The following ZWILCH variants were observed in gnomAD, a reference collection of about 807,000 sequenced individuals.
ZWILCH encodes the protein zwilch kinetochore protein, also known as protein zwilch homolog.
ZWILCH carries 74 observed loss-of-function variants against 79.9 expected under a neutral mutation model. The observed-to-expected ratio is 0.93, with a 90% CI of 0.77 to 1.12. ZWILCH has a LOEUF of 1.12. Among genes scored for constraint, ZWILCH ranks in the 50% most tolerant of loss-of-function variants. ZWILCH has a pLI of 0.00. For synonymous variants in ZWILCH, 241 were observed against 228.2 expected (o/e 1.06, Z -0.51); for missense variants, 694 against 687.5 (o/e 1.01, Z -0.11).
At chr15:66,527,253 T>C (rs933139414) in intron 8 of ZWILCH, 37 bp from the exon 9 acceptor site, 5 of 1,451,114 alleles carry the variant, frequency 3.4e-6, no homozygotes, top group Non-Finnish European at 4.8e-6. Context: ...CAGTGTTTTC[T>C]GCTAACAAGT....
intron 6 of ZWILCH, 145 bp from the exon 7 acceptor site, chr15:66,520,905 C>G: frequency 1.1e-6 from 1 of 944,372 alleles, no homozygotes; most frequent in Non-Finnish European, 1.6e-6. Context: ...GTATATATCC[C>G]AAAAATATAT....
rs1240424797 is a variant in ZWILCH at position 66,549,465 on chromosome 15, G to T, written c.*1141G>T. 5 of 152,162 alleles carry T rather than the reference G, an allele frequency of 3.3e-5. No individual in the cohort carries two copies. The highest frequency in any genetic ancestry group is 1.2e-4 in the African/African-American group (5 of 41,446). The allele number at this position is 152,162 out of a possible 1,614,324, so 9.4% of individuals were successfully genotyped here. On this transcript the variant is annotated 3_prime_UTR_variant, in exon 19 of 19. Transcript: ENST00000307897. ...CTGATTGCCCTTATGGAGAAATAAA[G>T]ATAAAATTCAAAGAAACAAATAATA...
At chr15:66,531,265 T>C (rs1003917594) in intron 12 of ZWILCH, among the ~76,000 whole-genome samples, 1 of 152,100 alleles carries the variant, frequency 6.6e-6, no homozygotes, top group Non-Finnish European at 1.5e-5. Flanking sequence ...AGATTTTTGG[T>C]GTAGAAGAAG....
chr15:66,519,100 T>A (rs770523783), intron 5 of ZWILCH, 22 bp downstream of exon 5: 3 of 1,548,096 alleles, frequency 1.9e-6, no homozygotes, highest in South Asian at 1.1e-5. Context: ...CTCTAGAGAG[T>A]GTGTGTGTGT....
At chr15:66,528,479 A>G (rs1352252492) in intron 10 of ZWILCH, among the ~76,000 whole-genome samples, 2 of 152,166 alleles carry the variant, frequency 1.3e-5, no homozygotes, top group East Asian at 3.8e-4. Flanking sequence ...GTAGAAATGA[A>G]TATGTTAATA....
intron 7 of ZWILCH, among the ~76,000 whole-genome samples, chr15:66,521,416 T>C (rs531634281): frequency 6.6e-6 from 1 of 152,200 alleles, no homozygotes; most frequent in African/African-American, 2.4e-5. Context: ...CCCTCAGCCC[T>C]ATAATAATAT....
intron 5 of ZWILCH, 107 bp from the exon 6 acceptor site, chr15:66,520,483 T>C: frequency 1.5e-6 from 1 of 670,336 alleles, no homozygotes; most frequent in Non-Finnish European, 2.7e-6. Flanking sequence ...TTAACAGTTA[T>C]TTTGTTGAGT....
At chr15:66,535,189 A>G (rs947849472) in intron 14 of ZWILCH, among the ~76,000 whole-genome samples, 3 of 152,156 alleles carry the variant, frequency 2.0e-5, no homozygotes, top group African/African-American at 7.2e-5. Context: ...ACACACATGG[A>G]ACTGTTATCA....
intron 2 of ZWILCH, among the ~76,000 whole-genome samples, chr15:66,512,422 A>AT (rs546794689): frequency 0.015 from 2,148 of 140,908 alleles, 32 homozygotes; most frequent in African/African-American, 0.048. Context: ...ATACCTGGCT[A>AT]TTTTTTTTTT....
At chr15:66,522,796 TG>T (rs1012089629) in intron 7 of ZWILCH, among the ~76,000 whole-genome samples, 20 of 152,168 alleles carry the variant, frequency 1.3e-4, no homozygotes, top group African/African-American at 4.1e-4. Flanking sequence ...GTGTTAATAG[TG>T]GTTCCTTCAG....
At chr15:66,517,455 T>TATATATATATATATATATATATAGAG (rs1180456312) in intron 4 of ZWILCH, among the ~76,000 whole-genome samples, 6 of 115,206 alleles carry the variant, frequency 5.2e-5, no homozygotes, top group Non-Finnish European at 7.5e-5. Flanking sequence ...TATATATATA[T>TATATATATATATATATATATATAGAG]AGTAATGTAC....
intron 5 of ZWILCH, 86 bp from the exon 6 acceptor site, chr15:66,520,504 T>A: frequency 1.4e-6 from 1 of 707,832 alleles, no homozygotes; most frequent in Admixed American, 2.7e-5. Context: ...TGTGGTACAT[T>A]GAGAATGTGA....
intron 1 of ZWILCH, 174 bp from the exon 2 acceptor site, chr15:66,508,667 C>T: frequency 3.1e-6 from 4 of 1,308,716 alleles, no homozygotes; most frequent in Non-Finnish European, 4.0e-6. Context: ...TAACCTAATG[C>T]TTCTTTTCTG....
chr15:66,516,736 C>T (rs1479867198), intron 4 of ZWILCH, among the ~76,000 whole-genome samples: 1 of 152,120 alleles, frequency 6.6e-6, no homozygotes, highest in Non-Finnish European at 1.5e-5. Context: ...TGAACTCTCA[C>T]CTCAGGTGAT....
chr15:66,515,392 C>T, intron 3 of ZWILCH, 134 bp from the exon 4 acceptor site: 3 of 622,428 alleles, frequency 4.8e-6, no homozygotes, highest in Non-Finnish European at 8.0e-6. Flanking sequence ...TGCCAAAACC[C>T]AATCATTTGT....
chr15:66,520,288 T>C (rs1894445394), intron 5 of ZWILCH, among the ~76,000 whole-genome samples: 1 of 151,820 alleles, frequency 6.6e-6, no homozygotes, highest in Non-Finnish European at 1.5e-5. Context: ...ACCTGGCTGT[T>C]TTTTTAATTT....
chr15:66,544,724 T>TTTGTGTGTGTGTG (rs145952622), intron 17 of ZWILCH, among the ~76,000 whole-genome samples: 43 of 128,540 alleles, frequency 3.3e-4, no homozygotes, highest in Middle Eastern at 4.0e-3. Context: ...TTTTTGGTTT[T>TTTGTGTGTGTGTG]TGTGTGTGTG....
At chr15:66,507,938 CAAAA>C (rs34334763) in intron 1 of ZWILCH, among the ~76,000 whole-genome samples, 11 of 97,658 alleles carry the variant, frequency 1.1e-4, no homozygotes, top group African/African-American at 3.8e-4. Context: ...GACTGCATCT[CAAAA>C]AAAAAAAAAA....
intron 2 of ZWILCH, among the ~76,000 whole-genome samples, chr15:66,510,915 C>T (rs1894036308): frequency 6.6e-6 from 1 of 152,140 alleles, no homozygotes. Context: ...TTGCCCTAAT[C>T]CAAATTAATC....
Sources: allele counts gnomAD v4.1 joint callset (sites outside exome capture counted in the v4.1 genomes callset), GRCh38; gene constraint gnomAD v4.1.1; transcripts MANE v1.5; gene names NCBI Gene and HGNC (gene_info 2026-07-23, HGNC 2026-07-21).